The following TRPM3 variants were observed in gnomAD, a reference collection of about 807,000 sequenced individuals.
TRPM3 encodes the protein long transient receptor potential channel 3.
A neutral mutation model predicts 181.2 loss-of-function variants in TRPM3; 77 were observed. That is an observed-to-expected ratio of 0.42 (90% CI 0.35 to 0.51). TRPM3 has a LOEUF of 0.51. TRPM3 is among the 20% of genes least tolerant of loss of function. The pLI, the probability that TRPM3 is intolerant of heterozygous loss-of-function variation, is 0.01. For missense variants in TRPM3, 1,759 were observed against 2,196.7 expected, an observed-to-expected ratio of 0.80 and a Z score of 3.98; for synonymous variants, 745 against 796.4, an observed-to-expected ratio of 0.94 and a Z score of 1.09.
chr9:71,159,556 T>G (rs1373555084), intron 1 of TRPM3, among the ~76,000 whole-genome samples: 4 of 152,138 alleles, frequency 2.6e-5, no homozygotes, highest in Non-Finnish European at 4.4e-5. Flanking sequence ...GAATATATCA[T>G]TTTATCTCCC....
At chr9:71,097,618 A>C (rs1399751176) in intron 1 of TRPM3, among the ~76,000 whole-genome samples, 1 of 140,560 alleles carries the variant, frequency 7.1e-6, no homozygotes, top group East Asian at 2.0e-4. Context: ...ATATAGGACC[A>C]AAAAAAAAAA....
chr9:70,538,672 C>T (rs527981953), intron 25 of TRPM3, among the ~76,000 whole-genome samples: 63 of 152,170 alleles, frequency 4.1e-4, no homozygotes, highest in Admixed American at 1.6e-3. Flanking sequence ...AAGTGCTTCT[C>T]GTGCCTCAGC....
intron 1 of TRPM3, among the ~76,000 whole-genome samples, chr9:70,929,783 G>C (rs1458517915): frequency 3.3e-5 from 5 of 152,114 alleles, no homozygotes; most frequent in Admixed American, 6.6e-5. Context: ...ATTTAAAAAG[G>C]TTTTTGTTTG....
chr9:71,343,435 G>A (rs1252264775), intron 1 of TRPM3, among the ~76,000 whole-genome samples: 1 of 151,988 alleles, frequency 6.6e-6, no homozygotes, highest in Non-Finnish European at 1.5e-5. Flanking sequence ...GTGGCATGGG[G>A]TGGCCATTCT....
intron 1 of TRPM3, among the ~76,000 whole-genome samples, chr9:71,270,815 T>C (rs1034250799): frequency 6.6e-6 from 1 of 152,226 alleles, no homozygotes. Context: ...CTGCTCTGCC[T>C]TGTTCCTTCA....
In TRPM3 at chr9:70,591,019, A is replaced by G. The variant is rs201351842; in HGVS notation, c.3223+12T>C. ...CCTGACTTTGGTGTATGAGAATCAT[A>G]AACTTGCTTACGGTCTATCTGGTCC... On this transcript the variant is annotated intron_variant, in intron 22 of 25. Transcript: ENST00000677713. The G allele has an allele frequency of 3.7e-6, 6 of 1,614,172 alleles. No individual in the cohort carries two copies. In the East Asian group the frequency reaches 1.3e-4, roughly 36 times the overall value.
chr9:70,794,849 C>G (rs1356392529), intron 6 of TRPM3, among the ~76,000 whole-genome samples: 2 of 152,204 alleles, frequency 1.3e-5, no homozygotes, highest in Non-Finnish European at 2.9e-5. Context: ...AGAAATGCAT[C>G]TTGACATATG....
intron 1 of TRPM3, among the ~76,000 whole-genome samples, chr9:71,207,735 T>C (rs2079211592): frequency 6.6e-6 from 1 of 152,188 alleles, no homozygotes; most frequent in Admixed American, 6.5e-5. Flanking sequence ...TTTCTGAATA[T>C]GTCATATAAA....
At chr9:71,238,470 C>T (rs1223548164) in intron 1 of TRPM3, among the ~76,000 whole-genome samples, 1 of 152,124 alleles carries the variant, frequency 6.6e-6, no homozygotes, top group Non-Finnish European at 1.5e-5. Flanking sequence ...TTTGGCCAGC[C>T]CTCTTCCTTA....
At chr9:71,381,039 T>C (rs1278718981) in intron 1 of TRPM3, among the ~76,000 whole-genome samples, 1 of 152,064 alleles carries the variant, frequency 6.6e-6, no homozygotes, top group Non-Finnish European at 1.5e-5. Context: ...GTGAGATTGG[T>C]GTTGAGATTG....
At chr9:70,841,650 A>ATCCCAC (rs2094648995) in intron 5 of TRPM3, among the ~76,000 whole-genome samples, 2 of 124,330 alleles carry the variant, frequency 1.6e-5, no homozygotes, top group African/African-American at 6.3e-5. Context: ...ATATATATAT[A>ATCCCAC]TATATATATA....
intron 1 of TRPM3, among the ~76,000 whole-genome samples, chr9:70,957,717 C>T (rs965041493): frequency 2.6e-5 from 4 of 152,174 alleles, no homozygotes; most frequent in Non-Finnish European, 5.9e-5. Context: ...CCCTTTCCTC[C>T]AACTTTCGCA....
At chr9:70,778,198 G>A (rs2081803943) in intron 7 of TRPM3, among the ~76,000 whole-genome samples, 1 of 152,146 alleles carries the variant, frequency 6.6e-6, no homozygotes, top group Admixed American at 6.6e-5. Context: ...AGGAAAAATA[G>A]AGTCATTCTA....
At chr9:71,293,064 A>G (rs2085953291) in intron 1 of TRPM3, among the ~76,000 whole-genome samples, 1 of 151,972 alleles carries the variant, frequency 6.6e-6, no homozygotes. Flanking sequence ...TCATCTCAAT[A>G]TATTTGGTAA....
At chr9:71,140,713 G>A (rs1260602974) in intron 1 of TRPM3, among the ~76,000 whole-genome samples, 1 of 152,124 alleles carries the variant, frequency 6.6e-6, no homozygotes, top group Non-Finnish European at 1.5e-5. Flanking sequence ...CAGGTACTGA[G>A]ATAAGTAGCA....
chr9:71,196,922 G>A (rs1413559784), intron 1 of TRPM3, among the ~76,000 whole-genome samples: 1 of 151,832 alleles, frequency 6.6e-6, no homozygotes, highest in African/African-American at 2.4e-5. Context: ...ACAATGTGCA[G>A]GTTAGTTACA....
chr9:70,756,898 T>C (rs1434563989), intron 8 of TRPM3, among the ~76,000 whole-genome samples: 2 of 151,970 alleles, frequency 1.3e-5, no homozygotes, highest in Non-Finnish European at 2.9e-5. Flanking sequence ...AGATCTAAAA[T>C]CGACACCCTA....
chr9:70,640,671 A>T lies in TRPM3; in HGVS notation c.1346-11T>A. 6.2e-7 allele frequency: 1 copy of T among 1,608,992 alleles called. No individual in the cohort carries two copies. On this transcript the variant is annotated splice_polypyrimidine_tract_variant and intron_variant, in intron 9 of 25. Coordinates refer to ENST00000677713, the MANE Select transcript of TRPM3 (RefSeq NM_001366145.2). ...CCGAGGCATTGGCTCCTGTGTGAGG[A>T]CAAGTGGGAGAAAAGAGTGGAAGAG...
intron 6 of TRPM3, among the ~76,000 whole-genome samples, chr9:70,785,952 C>A (rs2083490773): frequency 6.6e-6 from 1 of 152,048 alleles, no homozygotes. Context: ...ACCTGGGGAC[C>A]CATTCGTTTT....
Sources: gnomAD v4.1 joint callset for allele counts (sites outside exome capture counted in the v4.1 genomes callset) on GRCh38, gnomAD v4.1.1 for gene constraint, MANE v1.5 for transcripts, NCBI Gene and HGNC (gene_info 2026-07-23, HGNC 2026-07-21) for gene names.